MTUS2: variants seen among roughly 807,000 people sequenced by gnomAD.
MTUS2 encodes the protein microtubule-associated tumor suppressor candidate 2.
MTUS2 carries 40 observed loss-of-function variants against 114.1 expected under a neutral mutation model. The observed-to-expected ratio is 0.35, with a 90% confidence interval of 0.27 to 0.46. The LOEUF (loss-of-function observed/expected upper bound fraction) is 0.46. Among genes scored for constraint, MTUS2 ranks in the 20% least tolerant of loss-of-function variants. The pLI, the probability that MTUS2 is intolerant of heterozygous loss-of-function variation, is 1.00. For synonymous variants in MTUS2, 688 were observed against 672.0 expected, an observed-to-expected ratio of 1.02 and a Z score of -0.37; for missense variants, 1,679 against 1,705.4, an observed-to-expected ratio of 0.98 and a Z score of 0.27.
intron 2 of MTUS2, among the ~76,000 whole-genome samples, chr13:28,870,048 A>G (rs1659485989): frequency 6.6e-6 from 1 of 152,208 alleles, no homozygotes; most frequent in African/African-American, 2.4e-5. Context: ...ATATTTCAAT[A>G]TATATCATGT....
intron 5 of MTUS2, among the ~76,000 whole-genome samples, chr13:29,202,726 C>G (rs1389951805): frequency 6.6e-6 from 1 of 152,074 alleles, no homozygotes; most frequent in Non-Finnish European, 1.5e-5. Flanking sequence ...TATGCTATTC[C>G]TTTCTGTTTG....
chr13:29,045,058 A>G (rs1451520338), intron 4 of MTUS2, among the ~76,000 whole-genome samples: 3 of 152,134 alleles, frequency 2.0e-5, no homozygotes, highest in African/African-American at 7.2e-5. Flanking sequence ...ATGCTCCTCT[A>G]TGACCAGCTG....
In MTUS2 at chr13:29,324,601, A is replaced by C; in HGVS notation, c.2807-12A>C. 1 of 1,556,438 alleles carries C rather than the reference A, an allele frequency of 6.4e-7. No homozygotes were observed. The highest frequency in any genetic ancestry group is 8.7e-7 in the Non-Finnish European group (1 of 1,144,778). ...TACTTTCTACCTATTTCTCTTTTCC[A>C]ACTATACACAGGAACAAAGAAAGAT... On this transcript the variant is annotated splice_polypyrimidine_tract_variant and intron_variant, in intron 6 of 15. Coordinates refer to ENST00000612955, the MANE Select transcript of MTUS2 (RefSeq NM_001033602.4).
chr13:29,236,810 A>T (rs1347476130), intron 5 of MTUS2, among the ~76,000 whole-genome samples: 1 of 152,216 alleles, frequency 6.6e-6, no homozygotes. Flanking sequence ...ACTTTCTGGA[A>T]GGGAAATGCA....
At chr13:29,342,320 AT>A (rs940698269) in intron 7 of MTUS2, among the ~76,000 whole-genome samples, 2 of 151,262 alleles carry the variant, frequency 1.3e-5, no homozygotes, top group African/African-American at 2.4e-5. Flanking sequence ...GTCATCTGTT[AT>A]TTTTTTTGGC....
intron 8 of MTUS2, among the ~76,000 whole-genome samples, chr13:29,396,868 T>C (rs1486732993): frequency 2.0e-5 from 3 of 152,198 alleles, no homozygotes; most frequent in South Asian, 2.1e-4. Context: ...GCCAGTGACA[T>C]TGAAACATGG....
rs115854159 is a variant in MTUS2 at position 29,162,002 on chromosome 13, T to G, written c.2644+61032T>G. 5.6e-3 allele frequency among the ~76,000 whole-genome samples: 850 copies of G among 152,322 alleles called. 13 individuals are homozygous for G. Among genetic ancestry groups the G allele is most frequent in the African/African-American group, 0.019 (810 of 41,578 alleles). On this transcript the variant is annotated intron_variant, in intron 5 of 15. Coordinates refer to ENST00000612955, the MANE Select transcript of MTUS2 (RefSeq NM_001033602.4). Reference sequence around the variant, plus strand: ...CCTTTCTCCCGAACTGTGGATTCATTTATCTAGCTGCACACTTGACATCTA... The same window carrying G: ...CCTTTCTCCCGAACTGTGGATTCATGTATCTAGCTGCACACTTGACATCTA...
intron 2 of MTUS2, among the ~76,000 whole-genome samples, chr13:28,982,662 G>T (rs974920585): frequency 3.3e-5 from 5 of 152,300 alleles, no homozygotes; most frequent in Non-Finnish European, 7.4e-5. Flanking sequence ...ACAAAATGAG[G>T]TCTGTACATA....
intron 2 of MTUS2, among the ~76,000 whole-genome samples, chr13:28,968,473 A>T (rs1883701856): frequency 6.6e-6 from 1 of 152,230 alleles, no homozygotes; most frequent in South Asian, 2.1e-4. Flanking sequence ...ATTTTGCACT[A>T]TTATTAAATG....
chr13:29,302,240 C>A (rs558304083), intron 6 of MTUS2, among the ~76,000 whole-genome samples: 2 of 152,298 alleles, frequency 1.3e-5, no homozygotes, highest in Admixed American at 6.5e-5. Flanking sequence ...GACAGCCCAC[C>A]CAGGAGTGGC....
chr13:29,342,024 T>C (rs1436792414), intron 7 of MTUS2, among the ~76,000 whole-genome samples: 1 of 152,106 alleles, frequency 6.6e-6, no homozygotes, highest in Non-Finnish European at 1.5e-5. Flanking sequence ...TATTTTCATA[T>C]GAGTACCATG....
chr13:29,165,254 A>C (rs966250026), intron 5 of MTUS2, among the ~76,000 whole-genome samples: 2 of 152,080 alleles, frequency 1.3e-5, no homozygotes, highest in African/African-American at 2.4e-5. Context: ...CCTTCCCTCC[A>C]TTCTTCACAG....
Position 29,281,699 on chromosome 13 carries a change from C to T in MTUS2, c.2645-5C>T. On this transcript the variant is annotated splice_polypyrimidine_tract_variant and splice_region_variant and intron_variant, in intron 5 of 15. Transcript: ENST00000612955. Reference sequence around the variant, plus strand: ...TATAATTAACACGCTGTCTGCCTCCCACAGGTTCAACCTTTGGGAATGAAG... The same window carrying T: ...TATAATTAACACGCTGTCTGCCTCCTACAGGTTCAACCTTTGGGAATGAAG... The T allele has an allele frequency of 6.2e-7, 1 of 1,601,256 alleles. No individual in the cohort carries two copies. Among genetic ancestry groups the T allele is most frequent in the Non-Finnish European group, 8.5e-7 (1 of 1,171,486 alleles).
At chr13:29,359,120 CT>C (rs1870010001) in intron 7 of MTUS2, 141 bp from the exon 8 acceptor site, 12 of 814,018 alleles carry the variant, frequency 1.5e-5, no homozygotes, top group Admixed American at 1.2e-4. Flanking sequence ...ACTGTTTTTT[CT>C]TTTCAATCCT....
At chr13:29,351,895 A>G (rs1354246201) in intron 7 of MTUS2, among the ~76,000 whole-genome samples, 1 of 151,848 alleles carries the variant, frequency 6.6e-6, no homozygotes, top group Non-Finnish European at 1.5e-5. Flanking sequence ...GATTACAGGC[A>G]TGAGTGAGCC....
intron 4 of MTUS2, among the ~76,000 whole-genome samples, chr13:29,060,595 C>T (rs1347051427): frequency 1.1e-5 from 1 of 92,330 alleles, no homozygotes. Context: ...ACTTTTCGGT[C>T]TTTTACTTTT....
chr13:28,999,307 G>A (rs1885273181), intron 2 of MTUS2, among the ~76,000 whole-genome samples: 1 of 152,118 alleles, frequency 6.6e-6, no homozygotes, highest in Non-Finnish European at 1.5e-5. Flanking sequence ...CCTACTGGGG[G>A]GTTCCTCCCA....
chr13:29,307,876 A>T (rs899034315), intron 6 of MTUS2: 4 of 577,910 alleles, frequency 6.9e-6, no homozygotes, highest in African/African-American at 5.6e-5. Flanking sequence ...CACACTGAGA[A>T]TCCCCCCTCC....
chr13:29,163,926 C>T (rs992579735), intron 5 of MTUS2, among the ~76,000 whole-genome samples: 5 of 152,100 alleles, frequency 3.3e-5, no homozygotes, highest in Non-Finnish European at 5.9e-5. Context: ...GGTGCGGACC[C>T]CTTTGCTTGA....
Sources: allele counts gnomAD v4.1 joint callset (sites outside exome capture counted in the v4.1 genomes callset), GRCh38; gene constraint gnomAD v4.1.1; transcripts MANE v1.5; gene names NCBI Gene and HGNC (gene_info 2026-07-23, HGNC 2026-07-21).